Variants in UTS2 observed in about 807,000 individuals in gnomAD.
The protein encoded by UTS2 is urotensin 2.
UTS2 carries 10 observed loss-of-function variants against 12.6 expected under a neutral mutation model. That is an observed-to-expected ratio of 0.80 (90% confidence interval 0.49 to 1.35). The LOEUF is 1.35. Among genes scored for constraint, UTS2 ranks in the 40% most tolerant of loss-of-function variants. The pLI is 0.00. For missense variants in UTS2, 142 were observed against 143.2 expected, an observed-to-expected ratio of 0.99 and a Z score of 0.04; for synonymous variants, 52 against 50.0, an observed-to-expected ratio of 1.04 and a Z score of -0.17.
At chr1:7,897,747 C>T in the UTS2 span, among the ~76,000 whole-genome samples, 35,598 of 151,936 alleles carry the variant, frequency 0.23, 5,264 homozygotes, top group East Asian at 0.66. Context: ...CCACCACGCC[C>T]GGCTAATTTT....
the UTS2 span, among the ~76,000 whole-genome samples, chr1:7,912,129 T>A: frequency 5.9e-5 from 9 of 152,188 alleles, no homozygotes; most frequent in African/African-American, 2.2e-4. Context: ...TGAAGAAATA[T>A]GAACCTGAAA....
Position 7,847,953 on chromosome 1 carries a change from A to G in UTS2, c.259-71T>C, listed in dbSNP as rs1040272257. On this transcript the variant is annotated intron_variant, in intron 3 of 3. Transcript: ENST00000361696. ...GTTACCAACGAGTGACGATTCCTAT[A>G]AGAAAAAGGAATCTTGAGTCAAGAC... The G allele has an allele frequency of 4.6e-6, 5 of 1,083,118 alleles. No individual in the cohort carries two copies. In the Admixed American group the frequency reaches 8.6e-5, roughly 19 times the overall value. The allele number at this position is 1,083,118 out of a possible 1,614,324, so 67.1% of individuals were successfully genotyped here. A position where few individuals can be genotyped will look rare whatever the true frequency, so the allele number is the denominator to read the frequency against.
Position 7,852,975 on chromosome 1 carries a change from A to C in UTS2, c.29T>G (p.Leu10Arg). 1 of 1,613,732 alleles carries C rather than the reference A, an allele frequency of 6.2e-7. No individual in the cohort carries two copies. The highest frequency in any genetic ancestry group is 2.2e-5 in the East Asian group (1 of 44,858). Residue 10 changes from leucine to arginine, a missense_variant, in exon 1 of 4, where the codon CTT (leucine) becomes CGT (arginine). Transcript: ENST00000361696. MYKLASCCL[L>R]FIGFLNPLLS... ...GAGAGGATTTAAGAATCCTATGAAA[A>C]GCAAACAGCAGGAGGCCAGCTTATA... is the stretch of plus-strand genomic sequence containing the variant.
chr1:7,903,386 T>C, the UTS2 span, among the ~76,000 whole-genome samples: 1 of 148,690 alleles, frequency 6.7e-6, no homozygotes, highest in Non-Finnish European at 1.5e-5. Flanking sequence ...TATTAATTAA[T>C]TAATTAATTT....
the UTS2 span, among the ~76,000 whole-genome samples, chr1:7,893,780 C>T: frequency 6.6e-6 from 1 of 152,166 alleles, no homozygotes; most frequent in Non-Finnish European, 1.5e-5. Flanking sequence ...ATACACTCAC[C>T]CATATATTTC....
At chr1:7,863,313 G>T in the UTS2 span, among the ~76,000 whole-genome samples, 1 of 151,654 alleles carries the variant, frequency 6.6e-6, no homozygotes, top group Non-Finnish European at 1.5e-5. Context: ...GTTTCTCCAT[G>T]TTGGTCAGGC....
At position 7,847,690 on chromosome 1, in the gene UTS2, T is replaced by G; in HGVS notation, c.*76A>C. 8.3e-7 allele frequency: 1 copy of G among 1,204,972 alleles called. No homozygotes were observed. Among genetic ancestry groups the G allele is most frequent in the Non-Finnish European group, 1.2e-6 (1 of 830,068 alleles). 74.6% of individuals were successfully genotyped at this position (1,204,972 alleles called of 1,614,324 possible). A position where few individuals can be genotyped will look rare whatever the true frequency, so the allele number is the denominator to read the frequency against. On this transcript the variant is annotated 3_prime_UTR_variant, in exon 4 of 4. Transcript: ENST00000361696. The stretch of plus-strand genomic sequence containing the variant: ...TGCCTAGTTTTTCTCCACACTGTTT[T>G]CAAATCAAGCATTGTGTTATTTTTC...
the UTS2 span, among the ~76,000 whole-genome samples, chr1:7,881,694 T>C: frequency 1.3e-5 from 2 of 152,182 alleles, no homozygotes; most frequent in Non-Finnish European, 2.9e-5. Flanking sequence ...ATTGTTAAAA[T>C]GACCATACTC....
At chr1:7,849,714 GA>G (rs762247520) in intron 2 of UTS2, 31 bp from the exon 3 acceptor site, 94 of 1,583,862 alleles carry the variant, frequency 5.9e-5, no homozygotes, top group Non-Finnish European at 7.4e-5. Flanking sequence ...CAGTTCATCA[GA>G]TCTGTTGTTT....
chr1:7,896,099 G>A, the UTS2 span, among the ~76,000 whole-genome samples: 6 of 152,132 alleles, frequency 3.9e-5, no homozygotes, highest in African/African-American at 1.2e-4. Flanking sequence ...GCTTCCCAAG[G>A]AAAATATTAT....
the UTS2 span, among the ~76,000 whole-genome samples, chr1:7,910,281 G>A: frequency 1.8e-4 from 14 of 76,254 alleles, no homozygotes; most frequent in African/African-American, 6.6e-4. Context: ...CCCCCTGCCC[G>A]CCCACCCTGC....
At chr1:7,891,067 G>A in the UTS2 span, among the ~76,000 whole-genome samples, 1 of 151,452 alleles carries the variant, frequency 6.6e-6, no homozygotes, top group Admixed American at 6.6e-5. Context: ...ATTCAGCCCT[G>A]AAAAGGAATG....
the UTS2 span, among the ~76,000 whole-genome samples, chr1:7,870,973 AG>A: frequency 2.0e-5 from 3 of 152,206 alleles, no homozygotes; most frequent in Non-Finnish European, 4.4e-5. Context: ...GGGAGGATCC[AG>A]GATGCTGTCA....
intron 3 of UTS2, 88 bp from the exon 4 acceptor site, chr1:7,847,970 A>G: frequency 1.1e-6 from 1 of 931,724 alleles, no homozygotes; most frequent in South Asian, 1.5e-5. Flanking sequence ...AGGAATCTTG[A>G]GTCAAGACAC....
the UTS2 span, among the ~76,000 whole-genome samples, chr1:7,862,595 G>C: frequency 2.6e-5 from 4 of 152,282 alleles, no homozygotes; most frequent in East Asian, 5.8e-4. Context: ...CAGAAGGCAA[G>C]GGGGAGCTGG....
chr1:7,863,033 G>GTATTGTAT, the UTS2 span, among the ~76,000 whole-genome samples: 3 of 26,982 alleles, frequency 1.1e-4, no homozygotes, highest in Middle Eastern at 0.014. Flanking sequence ...GTATTGTATT[G>GTATTGTAT]TATTGTATTG....
At chr1:7,850,153 C>T (rs943521392) in intron 2 of UTS2, among the ~76,000 whole-genome samples, 10 of 151,626 alleles carry the variant, frequency 6.6e-5, no homozygotes, top group Admixed American at 2.6e-4. Flanking sequence ...TATTTTTAGT[C>T]GAGATGGGTT....
At chr1:7,857,906 C>T (rs2151385678), upstream of UTS2, among the ~76,000 whole-genome samples, 1 of 150,466 alleles carries the variant, frequency 6.6e-6, no homozygotes, top group South Asian at 2.1e-4. Context: ...ATTACATGTG[C>T]ATGTTTATGC....
chr1:7,912,995 T>C, the UTS2 span, among the ~76,000 whole-genome samples: 41,624 of 89,948 alleles, frequency 0.46, 6,269 homozygotes, highest in Non-Finnish European at 0.5. Context: ...CTTTTTCTTT[T>C]TTTTTTTTTT....
Sources: allele counts gnomAD v4.1 joint callset (sites outside exome capture counted in the v4.1 genomes callset), GRCh38; gene constraint gnomAD v4.1.1; transcripts MANE v1.5; gene names NCBI Gene and HGNC (gene_info 2026-07-23, HGNC 2026-07-21).